FMN1: variants seen among roughly 807,000 people sequenced by gnomAD.
The protein encoded by FMN1 is formin 1.
A neutral mutation model predicts 132.4 loss-of-function variants in FMN1; 110 were observed. The ratio of observed to expected loss-of-function variants is 0.83; its 90% CI spans 0.71 to 0.97. The LOEUF is 0.97. Among genes scored for constraint, FMN1 ranks in the 50% least tolerant of loss-of-function variants. The pLI is 0.00. For synonymous variants in FMN1, 722 were observed against 651.7 expected (o/e 1.11, Z -1.64); for missense variants, 1,792 against 1,705.3 (o/e 1.05, Z -0.90).
At chr15:33,106,827 G>C (rs1008033454) in intron 4 of FMN1, among the ~76,000 whole-genome samples, 3 of 152,038 alleles carry the variant, frequency 2.0e-5, no homozygotes, top group African/African-American at 7.2e-5. Flanking sequence ...GCCCCTAGTT[G>C]AGAAGCACTG....
intron 17 of FMN1, among the ~76,000 whole-genome samples, chr15:32,830,775 T>C (rs1431153029): frequency 1.3e-5 from 2 of 152,166 alleles, no homozygotes; most frequent in Admixed American, 6.5e-5. Flanking sequence ...CGAGGAGACG[T>C]CATCATGTGA....
intron 4 of FMN1, among the ~76,000 whole-genome samples, chr15:33,124,005 G>T (rs571443696): frequency 1.3e-5 from 2 of 152,170 alleles, no homozygotes; most frequent in African/African-American, 4.8e-5. Context: ...CTAAGACAGT[G>T]TCCCAACTAT....
chr15:32,875,169 G>GTGTTAT (rs1242464204), intron 16 of FMN1, among the ~76,000 whole-genome samples: 5 of 152,184 alleles, frequency 3.3e-5, no homozygotes, highest in African/African-American at 4.8e-5. Flanking sequence ...CCTGCTTTAT[G>GTGTTAT]TGTTATCTCA....
At chr15:32,802,492 A>G (rs928287439) in intron 18 of FMN1, among the ~76,000 whole-genome samples, 14 of 152,216 alleles carry the variant, frequency 9.2e-5, no homozygotes, top group African/African-American at 1.2e-4. Context: ...ACCTCCTTAA[A>G]GAGTATAACC....
In FMN1 at chr15:33,154,013, T is replaced by C. The variant is rs1026070234; in HGVS notation, c.902A>G (p.Asp301Gly). 17 of 1,536,550 alleles carry C rather than the reference T, an allele frequency of 1.1e-5. No homozygotes were observed. The highest frequency in any genetic ancestry group is 1.4e-5 in the Non-Finnish European group (16 of 1,147,012). Residue 301 changes from aspartate to glycine, a missense_variant, in exon 4 of 21, where the codon GAC becomes GGC. This residue lies in a region of FMN1 where 638 missense variants were observed against 645.2 expected (regional missense o/e 0.99). Coordinates refer to ENST00000616417, the MANE Select transcript of FMN1 (RefSeq NM_001277313.2). ...TTCTGCCTCTGGATGCTTCTCAGGG[T>C]CCTGGTGACTTTCAGACAAACCTGT... ...QQTGLSESHQ[D>G]PEKHPEAEKD...
At chr15:32,982,784 C>T (rs975963841) in intron 7 of FMN1, among the ~76,000 whole-genome samples, 1 of 152,080 alleles carries the variant, frequency 6.6e-6, no homozygotes, top group African/African-American at 2.4e-5. Flanking sequence ...TACACCTGAA[C>T]TCTTCTTGGG....
chr15:33,159,205 T>TA (rs1964795134), intron 3 of FMN1, among the ~76,000 whole-genome samples: 1 of 151,984 alleles, frequency 6.6e-6, no homozygotes. Context: ...AAAAATTAAA[T>TA]AAAAAGATAG....
chr15:32,836,645 GAAC>G (rs2058633969), intron 17 of FMN1, among the ~76,000 whole-genome samples: 2 of 152,168 alleles, frequency 1.3e-5, no homozygotes, highest in Non-Finnish European at 2.9e-5. Context: ...GTTTGGTGAA[GAAC>G]AAGAGGATAC....
intron 16 of FMN1, among the ~76,000 whole-genome samples, chr15:32,863,169 C>T (rs1049018849): frequency 3.3e-5 from 5 of 152,188 alleles, no homozygotes; most frequent in Admixed American, 1.3e-4. Context: ...TTCGGCTAGG[C>T]GCGGTGGCTC....
chr15:33,118,776 C>A (rs1595512246), intron 4 of FMN1, among the ~76,000 whole-genome samples: 1 of 152,062 alleles, frequency 6.6e-6, no homozygotes, highest in African/African-American at 2.4e-5. Flanking sequence ...ATTGATACAG[C>A]ATTTTATTAC....
chr15:33,031,773 C>T (rs909908919), intron 6 of FMN1, among the ~76,000 whole-genome samples: 1 of 152,190 alleles, frequency 6.6e-6, no homozygotes, highest in Non-Finnish European at 1.5e-5. Context: ...CCACTGACTG[C>T]ATTAGTTACT....
chr15:33,154,869 C>T lies in FMN1; in HGVS notation c.46G>A (p.Glu16Lys). 6.5e-7 allele frequency: 1 copy of T among 1,536,176 alleles called. No homozygotes were observed. Among genetic ancestry groups the T allele is most frequent in the Non-Finnish European group, 8.7e-7 (1 of 1,146,894 alleles). ...AGACAGAAGCTGATGTAGCAGAGTTCCGTAATGGGCTTATGCAATTGGAGG... is the reference window on the plus strand; with the variant it reads ...AGACAGAAGCTGATGTAGCAGAGTTTCGTAATGGGCTTATGCAATTGGAGG... ...CTLQLHKPIT[E>K]LCYISFCLPK... is the part of the protein sequence containing the mutation. Residue 16 changes from glutamate to lysine, a missense_variant, in exon 4 of 21, where the codon GAA (glutamate) becomes AAA (lysine). Physicochemically the swap from Glu to Lys is moderately conservative, Grantham distance 56. Transcript: ENST00000616417.
chr15:32,953,184 G>A (rs1567454674), intron 9 of FMN1, among the ~76,000 whole-genome samples: 1 of 152,168 alleles, frequency 6.6e-6, no homozygotes. Flanking sequence ...CCCCACCTAG[G>A]AGATCTGATA....
rs549707802 is a variant in FMN1, at chr15:32,887,423, A to G, written c.3835+749T>C. 1.6e-3 allele frequency among the ~76,000 whole-genome samples: 243 copies of G among 152,196 alleles called. 1 individual carries two copies. Among genetic ancestry groups the G allele is most frequent in the Non-Finnish European group, 2.4e-3 (165 of 68,038 alleles). ...CTCCACAGTAAAAACACGAGACTCTAGAAATGCCAAAGGAAAATTCCTGCC... is the reference window on the plus strand; with the variant it reads ...CTCCACAGTAAAAACACGAGACTCTGGAAATGCCAAAGGAAAATTCCTGCC... On this transcript the variant is annotated intron_variant, in intron 16 of 20. Transcript: ENST00000616417.
chr15:32,888,359 G>C, intron 15 of FMN1, 67 bp from the exon 16 acceptor site: 1 of 1,383,922 alleles, frequency 7.2e-7, no homozygotes, highest in Non-Finnish European at 9.7e-7. Flanking sequence ...AAATTCCAAA[G>C]CATCAATGAG....
In FMN1 at chr15:32,792,030, G is replaced by A. The variant is rs900387206; in HGVS notation, c.4130+6774C>T. Among the ~76,000 whole-genome samples, 3 of 152,172 alleles carry A rather than the reference G, an allele frequency of 2.0e-5. No homozygotes were observed. In the South Asian group the frequency reaches 6.2e-4, roughly 32 times the overall value. On this transcript the variant is annotated intron_variant, in intron 19 of 20. Transcript: ENST00000616417. ...AAAGAGGAACACTGAGATTTACCTT[G>A]GGGAAGGCCCACACTTAAGGAACAG...
Position 33,154,422 on chromosome 15 carries a change from T to C in FMN1, c.493A>G (p.Arg165Gly). ...GGAAGGGCCCCAAAGCTCTCTCTCC[T>C]TCCACTAGACCTCCGAGGCTTTTTG... ...GNKKPRRSSG[R>G]RESFGALPQK... Residue 165 changes from arginine (R) to glycine (G), a missense_variant, in exon 4 of 21, where the codon AGG (arginine) becomes GGG (glycine). By Grantham distance (125) the Arg-to-Gly change is moderately radical. Coordinates refer to ENST00000616417, the MANE Select transcript of FMN1 (RefSeq NM_001277313.2). 2 of 1,536,150 alleles carry C rather than the reference T, an allele frequency of 1.3e-6. No individual in the cohort carries two copies. Among genetic ancestry groups the C allele is most frequent in the Non-Finnish European group, 1.7e-6 (2 of 1,146,926 alleles).
At chr15:33,094,102 C>T (rs1202004198) in intron 4 of FMN1, among the ~76,000 whole-genome samples, 1 of 152,116 alleles carries the variant, frequency 6.6e-6, no homozygotes, top group African/African-American at 2.4e-5. Context: ...GAGAAGCAGA[C>T]GTGAACAAGT....
At chr15:32,917,671 T>C (rs915340538) in intron 10 of FMN1, among the ~76,000 whole-genome samples, 1 of 152,202 alleles carries the variant, frequency 6.6e-6, no homozygotes, top group Admixed American at 6.5e-5. Context: ...CCACCCCAAC[T>C]ATCCTCCAAG....
Sources: gnomAD v4.1 joint callset for allele counts (sites outside exome capture counted in the v4.1 genomes callset) on GRCh38, gnomAD v4.1.1 for gene constraint, gnomAD v4.1.1 regional missense constraint, MANE v1.5 for transcripts, NCBI Gene and HGNC (gene_info 2026-07-23, HGNC 2026-07-21) for gene names.